The following AKAP6 variants were observed in gnomAD, a reference collection of about 807,000 sequenced individuals.
The protein encoded by AKAP6 is A-kinase anchor protein 6.
In AKAP6, 58 loss-of-function variants were observed where a neutral mutation model predicts 188.5. The ratio of observed to expected loss-of-function variants is 0.31; its 90% CI spans 0.25 to 0.38. AKAP6 has a LOEUF of 0.38. Ranked by LOEUF, AKAP6 falls within the 10% of genes least tolerant of loss-of-function variation. The pLI, the probability that AKAP6 is intolerant of heterozygous loss-of-function variation, is 1.00. For missense variants in AKAP6, 2,710 were observed against 2,740.0 expected (o/e 0.99, Z 0.24); for synonymous variants, 989 against 998.6 (o/e 0.99, Z 0.18).
intron 1 of AKAP6, among the ~76,000 whole-genome samples, chr14:32,388,158 G>T (rs543733769): frequency 6.6e-6 from 1 of 152,138 alleles, no homozygotes; most frequent in South Asian, 2.1e-4. Context: ...AGCCTTGAAT[G>T]ATCTTTTGTA....
intron 2 of AKAP6, among the ~76,000 whole-genome samples, chr14:32,491,073 C>T (rs1879989032): frequency 6.6e-6 from 1 of 152,136 alleles, no homozygotes; most frequent in South Asian, 2.1e-4. Context: ...TGGCATCTGT[C>T]ACCCCACCAA....
At chr14:32,676,817 C>T (rs1889447018) in intron 7 of AKAP6, among the ~76,000 whole-genome samples, 1 of 151,994 alleles carries the variant, frequency 6.6e-6, no homozygotes, top group African/African-American at 2.4e-5. Flanking sequence ...GGTTTGAGAC[C>T]TCATTTTTCT....
chr14:32,822,070 C>T lies in AKAP6; in HGVS notation c.4257C>T (p.Ser1419=). The T allele has an allele frequency of 6.2e-7, 1 of 1,613,908 alleles. No homozygotes were observed. Residue 1419 remains serine (S), a synonymous_variant, in exon 13 of 14, where the codon AGC becomes AGT. Coordinates refer to ENST00000280979, the MANE Select transcript of AKAP6 (RefSeq NM_004274.5). ...LKQKFTDEGE[S]IKLPNSSQSS... ...AAAAATTTACAGATGAGGGGGAAAG[C>T]ATTAAGCTTCCAAATAGCTCTCAGT...
rs1884287569 is a variant in AKAP6 at position 32,568,141 on chromosome 14, T to C, written c.2347-8979T>C. ...GGAATGATTGAACTGTGACAAGAGC[T>C]GGGGTTCTCAGAGAAGCTTGGAAAA... On this transcript the variant is annotated intron_variant, in intron 4 of 13. Transcript: ENST00000280979. This position sits in a 1 kb window ranked among gnomAD's most constrained non-coding sequence, Gnocchi z 6.2. Among the ~76,000 whole-genome samples the C allele has an allele frequency of 1.3e-5, 2 of 152,184 alleles. No homozygotes were observed. The highest frequency in any genetic ancestry group is 1.3e-4 in the Admixed American group (2 of 15,276).
At position 32,535,749 on chromosome 14, in the gene AKAP6, G is replaced by T; in HGVS notation, c.520G>T (p.Gly174Cys). ...RILQGLQDAN[G>C]NYTRQTDILQ... ...TCTGCAAGGTCTGCAGGACGCCAAT[G>T]GCAACTACACTAGGCAGACGGACAT... Residue 174 changes from glycine to cysteine, a missense_variant, in exon 3 of 14, where the codon GGC becomes TGC. Gly to Cys is a radical substitution (Grantham distance 159, BLOSUM62 -3). Coordinates refer to ENST00000280979, the MANE Select transcript of AKAP6 (RefSeq NM_004274.5). 3 of 1,614,210 alleles carry T rather than the reference G, an allele frequency of 1.9e-6. No homozygotes were observed. In the South Asian group the frequency reaches 3.3e-5, roughly 18 times the overall value.
intron 8 of AKAP6, among the ~76,000 whole-genome samples, chr14:32,682,173 A>C (rs1889705249): frequency 6.6e-6 from 1 of 152,158 alleles, no homozygotes; most frequent in Non-Finnish European, 1.5e-5. Context: ...AGGGCTCTGG[A>C]GATGGTTTTT....
intron 7 of AKAP6, among the ~76,000 whole-genome samples, chr14:32,667,589 C>G (rs1889001158): frequency 6.6e-6 from 1 of 152,010 alleles, no homozygotes; most frequent in African/African-American, 2.4e-5. Flanking sequence ...ATTAGCAGCT[C>G]AAAGTCGAGA....
intron 7 of AKAP6, among the ~76,000 whole-genome samples, chr14:32,612,002 G>T (rs185428552): frequency 1.3e-5 from 2 of 152,272 alleles, no homozygotes; most frequent in Admixed American, 1.3e-4. Flanking sequence ...AGATTAGTCA[G>T]TGGAGCAATT....
At chr14:32,347,721 C>T (rs936489704) in intron 1 of AKAP6, among the ~76,000 whole-genome samples, 2 of 152,206 alleles carry the variant, frequency 1.3e-5, no homozygotes, top group Admixed American at 6.5e-5. Flanking sequence ...ACTATATGGT[C>T]ACTTCCAATG....
At chr14:32,730,106 GC>G (rs1181886795) in intron 9 of AKAP6, among the ~76,000 whole-genome samples, 1 of 152,082 alleles carries the variant, frequency 6.6e-6, no homozygotes, top group Non-Finnish European at 1.5e-5. Flanking sequence ...TACAGCTTGA[GC>G]CCCTAAACAT....
intron 3 of AKAP6, among the ~76,000 whole-genome samples, chr14:32,542,380 C>A (rs1168132010): frequency 6.6e-6 from 1 of 152,122 alleles, no homozygotes; most frequent in Non-Finnish European, 1.5e-5. Context: ...GCTACGAGTA[C>A]CCTGGTAAGA....
intron 7 of AKAP6, among the ~76,000 whole-genome samples, chr14:32,613,401 T>C (rs183881876): frequency 7.2e-5 from 11 of 152,360 alleles, no homozygotes; most frequent in Middle Eastern, 3.4e-3. Flanking sequence ...TTAAGCTTCA[T>C]CAACATATTT....
intron 12 of AKAP6, among the ~76,000 whole-genome samples, chr14:32,795,883 C>A (rs1298420384): frequency 2.6e-5 from 4 of 152,130 alleles, no homozygotes; most frequent in African/African-American, 4.8e-5. Flanking sequence ...ACCTAGAGAA[C>A]CCCATCATCT....
At chr14:32,751,985 C>A (rs551397210) in intron 11 of AKAP6, among the ~76,000 whole-genome samples, 2 of 152,214 alleles carry the variant, frequency 1.3e-5, no homozygotes, top group Non-Finnish European at 2.9e-5. Context: ...AAATTGGGCC[C>A]TCATTTGAAC....
chr14:32,826,690 A>G (rs985491469), intron 13 of AKAP6, among the ~76,000 whole-genome samples: 1 of 152,164 alleles, frequency 6.6e-6, no homozygotes, highest in Non-Finnish European at 1.5e-5. Context: ...TCTCTCTTAC[A>G]TAGACGTAGA....
chr14:32,452,612 C>T (rs1890978378), intron 2 of AKAP6, among the ~76,000 whole-genome samples: 1 of 151,846 alleles, frequency 6.6e-6, no homozygotes, highest in Non-Finnish European at 1.5e-5. Flanking sequence ...GAGTTTGTGA[C>T]CAGCCTGGGC....
chr14:32,609,486 A>G (rs1886260649), intron 7 of AKAP6, among the ~76,000 whole-genome samples: 1 of 152,098 alleles, frequency 6.6e-6, no homozygotes, highest in South Asian at 2.1e-4. Flanking sequence ...GAGCTCAGGG[A>G]CCATCTCACT....
chr14:32,432,825 C>A (rs1890264027), intron 1 of AKAP6, among the ~76,000 whole-genome samples: 1 of 152,154 alleles, frequency 6.6e-6, no homozygotes, highest in Admixed American at 6.6e-5. Flanking sequence ...TTTTTTCTCA[C>A]ATAAAAGAAG....
In AKAP6 at chr14:32,508,357, G is replaced by C. The variant is rs554595096; in HGVS notation, c.325-27197G>C. Among the ~76,000 whole-genome samples the C allele has an allele frequency of 1.2e-4, 19 of 152,276 alleles. No homozygotes were observed. The East Asian group carries it at 3.7e-3, about 29-fold the overall frequency. On this transcript the variant is annotated intron_variant, in intron 2 of 13. Transcript: ENST00000280979. ...ATGCTGATAGTTCATATGGGAACAG[G>C]GTAGTTGAAATAGAAATCAAAAGGA...
Sources: gnomAD v4.1 joint callset for allele counts (sites outside exome capture counted in the v4.1 genomes callset) on GRCh38, gnomAD v4.1.1 for gene constraint, Gnocchi (gnomAD v3.1) non-coding constraint, MANE v1.5 for transcripts, NCBI Gene and HGNC (gene_info 2026-07-23, HGNC 2026-07-21) for gene names.